The following ANXA4 variants were observed in gnomAD, a reference collection of about 807,000 sequenced individuals.
The protein encoded by ANXA4 is 35-beta calcimedin.
A neutral mutation model predicts 49.8 loss-of-function variants in ANXA4; 39 were observed. That is an observed-to-expected ratio of 0.78 (90% CI 0.61 to 1.02). ANXA4 has a LOEUF of 1.02. ANXA4 is among the 50% of genes least tolerant of loss of function. The pLI is 0.00. For missense variants in ANXA4, 360 were observed against 410.1 expected (o/e 0.88, Z 1.05); for synonymous variants, 134 against 152.5 (o/e 0.88, Z 0.89).
At chr2:69,752,173 A>G (rs561963137) in intron 1 of ANXA4, among the ~76,000 whole-genome samples, 14 of 152,164 alleles carry the variant, frequency 9.2e-5, no homozygotes, top group Non-Finnish European at 1.6e-4. Flanking sequence ...AAGGAATGGC[A>G]TGTCTGTTAC....
At chr2:69,656,212 C>T (rs201009462) in intron 2 of ANXA4, among the ~76,000 whole-genome samples, 42 of 135,488 alleles carry the variant, frequency 3.1e-4, no homozygotes, top group Non-Finnish European at 4.7e-4. Flanking sequence ...TATACACACA[C>T]ATATATATGT....
intron 1 of ANXA4, among the ~76,000 whole-genome samples, chr2:69,746,605 G>A (rs6705820): frequency 0.53 from 81,093 of 151,926 alleles, 22,040 homozygotes; most frequent in East Asian, 0.7. Flanking sequence ...TTTTGCTATG[G>A]GAACCTGAAC....
intron 2 of ANXA4, among the ~76,000 whole-genome samples, chr2:69,660,759 G>A (rs531996722): frequency 6.6e-6 from 1 of 151,726 alleles, no homozygotes; most frequent in South Asian, 2.1e-4. Flanking sequence ...GAGGCTATTT[G>A]CCAGAAGGGA....
upstream of ANXA4, chr2:69,644,045 G>A (rs1381919715): frequency 3.5e-6 from 1 of 285,050 alleles, no homozygotes; most frequent in African/African-American, 2.3e-5. Context: ...ACTCCTGGAG[G>A]AGAGGGCGAG....
intron 2 of ANXA4, among the ~76,000 whole-genome samples, chr2:69,676,969 C>CT: frequency 6.6e-6 from 1 of 152,018 alleles, no homozygotes; most frequent in Non-Finnish European, 1.5e-5. Context: ...AAGGCTATTT[C>CT]TTTTTTTATT....
At chr2:69,781,679 AG>A (rs1159558240) in intron 2 of ANXA4, 105 bp downstream of exon 2, 5 of 1,324,494 alleles carry the variant, frequency 3.8e-6, no homozygotes, top group Non-Finnish European at 5.4e-6. Flanking sequence ...TACTCAACAG[AG>A]GGGAAGGAGG....
rs902025912 is a variant in ANXA4, at chr2:69,744,353, T to C, written c.-47+2178T>C. On this transcript the variant is annotated intron_variant, in intron 1 of 12. Transcript: ENST00000394295. ...CAAAAACAAGAGGAGGAGATTTTCT[T>C]TGAGTGTCATTTTTACACAAATATT... Among the ~76,000 whole-genome samples, 107 of 152,270 alleles carry C rather than the reference T, an allele frequency of 7.0e-4. 1 individual carries two copies. The highest frequency in any genetic ancestry group is 2.6e-3 in the African/African-American group (107 of 41,520).
At chr2:69,689,743 A>T (rs1677901195) in intron 2 of ANXA4, among the ~76,000 whole-genome samples, 1 of 152,156 alleles carries the variant, frequency 6.6e-6, no homozygotes, top group African/African-American at 2.4e-5. Context: ...GTTTTGTTTC[A>T]TAGGGATTGC....
At chr2:69,795,673 A>G (rs1489742184) in intron 3 of ANXA4, among the ~76,000 whole-genome samples, 1 of 152,102 alleles carries the variant, frequency 6.6e-6, no homozygotes, top group African/African-American at 2.4e-5. Context: ...TTTTAGCTTG[A>G]CCTATTCTTC....
rs1448498855 is a variant in ANXA4 at position 69,804,536 on chromosome 2, C to G, written c.101C>G (p.Thr34Ser). The change falls in exon 4 of 13, where the codon ACC (threonine) becomes AGC (serine). Residue 34 changes from threonine to serine, a missense_variant. Transcript: ENST00000394295. ...GCTGTCTCCCTTCTTCCCCCAGGCA[C>G]CGATGAAGACGCCATTATTAGCGTC... ...TLRKAMKGLG[T>S]DEDAIISVLA... 1 of 1,613,588 alleles carries G rather than the reference C, an allele frequency of 6.2e-7. No individual in the cohort carries two copies. Among genetic ancestry groups the G allele is most frequent in the Admixed American group, 1.7e-5 (1 of 59,980 alleles).
At chr2:69,661,646 G>A (rs1040365938) in intron 2 of ANXA4, among the ~76,000 whole-genome samples, 11 of 152,158 alleles carry the variant, frequency 7.2e-5, no homozygotes, top group African/African-American at 1.4e-4. Flanking sequence ...TGGAAAGCAC[G>A]TGGACAGGTG....
intron 5 of ANXA4, among the ~76,000 whole-genome samples, chr2:69,806,761 T>C (rs1673458855): frequency 6.6e-6 from 1 of 152,184 alleles, no homozygotes; most frequent in Non-Finnish European, 1.5e-5. Context: ...AAATACCATA[T>C]GTTTTCACTT....
intron 3 of ANXA4, among the ~76,000 whole-genome samples, chr2:69,721,310 G>T (rs990174476): frequency 6.6e-6 from 1 of 152,214 alleles, no homozygotes; most frequent in East Asian, 1.9e-4. Context: ...GACTCTACAG[G>T]GTGGGTAGGC....
At chr2:69,725,342 A>G (rs1274852102) in intron 3 of ANXA4, among the ~76,000 whole-genome samples, 1 of 149,530 alleles carries the variant, frequency 6.7e-6, no homozygotes, top group South Asian at 2.1e-4. Context: ...AAATAAATAT[A>G]CCATATACTT....
At chr2:69,675,577 TG>T (rs1407495596) in intron 2 of ANXA4, among the ~76,000 whole-genome samples, 1 of 152,258 alleles carries the variant, frequency 6.6e-6, no homozygotes, top group East Asian at 1.9e-4. Flanking sequence ...AGCCTAAAGC[TG>T]AGCAAAAGTG....
intron 1 of ANXA4, among the ~76,000 whole-genome samples, chr2:69,743,033 G>A (rs910269997): frequency 2.6e-5 from 4 of 152,058 alleles, no homozygotes; most frequent in Admixed American, 1.3e-4. Flanking sequence ...TTTGTTTTGA[G>A]ACGAGGTCTC....
rs184906064 is a variant in ANXA4 at position 69,717,597 on chromosome 2, G to A, written n.767-3177G>A. ...CTTTTCATTTCTGGAATTACCCGTC[G>A]CTGCATCTTTCTGTTACCGCCATTT... On this transcript the variant is annotated intron_variant and non_coding_transcript_variant, in intron 2 of 3. Transcript: ENST00000418066. Among the ~76,000 whole-genome samples, 5 of 152,228 alleles carry A rather than the reference G, an allele frequency of 3.3e-5. No individual in the cohort carries two copies. The East Asian group carries it at 7.7e-4, about 24-fold the overall frequency.
chr2:69,798,814 C>A (rs961961013), intron 3 of ANXA4, among the ~76,000 whole-genome samples: 23 of 152,184 alleles, frequency 1.5e-4, no homozygotes, highest in Non-Finnish European at 2.4e-4. Flanking sequence ...CCTTCAAATC[C>A]CAGACGAGCC....
intron 2 of ANXA4, among the ~76,000 whole-genome samples, chr2:69,717,764 G>T (rs1669688773): frequency 6.6e-6 from 1 of 152,130 alleles, no homozygotes; most frequent in African/African-American, 2.4e-5. Flanking sequence ...GCCTGGGACT[G>T]GTACCTCATC....
Sources: gnomAD v4.1 joint callset for allele counts (sites outside exome capture counted in the v4.1 genomes callset) on GRCh38, gnomAD v4.1.1 for gene constraint, MANE v1.5 for transcripts, NCBI Gene and HGNC (gene_info 2026-07-23, HGNC 2026-07-21) for gene names.